Variants in BAHCC1 observed in about 807,000 individuals in gnomAD.
The protein encoded by BAHCC1 is BAH domain and coiled-coil containing 1, also known as BAH and coiled-coil domain-containing protein 1.
In BAHCC1, 43 loss-of-function variants were observed where a neutral mutation model predicts 88.2. The observed-to-expected ratio is 0.49, with a 90% CI of 0.38 to 0.63. BAHCC1 has a LOEUF of 0.63. Among genes scored for constraint, BAHCC1 ranks in the 20% least tolerant of loss-of-function variants. The pLI is 0.00. For synonymous variants in BAHCC1, 1,510 were observed against 745.5 expected (o/e 2.03, Z -16.71); for missense variants, 3,023 against 1,654.8 (o/e 1.83, Z -14.34).
chr17:81,418,119 G>C (rs1555649008), intron 2 of BAHCC1, among the ~76,000 whole-genome samples: 1 of 152,242 alleles, frequency 6.6e-6, no homozygotes, highest in African/African-American at 2.4e-5. Flanking sequence ...GCAACAGTAA[G>C]CAGGGCGGGC....
intron 4 of BAHCC1, among the ~76,000 whole-genome samples, chr17:81,439,966 G>A (rs559439591): frequency 1.3e-5 from 2 of 151,668 alleles, no homozygotes; most frequent in Admixed American, 6.5e-5. Flanking sequence ...TCGCCTGCAG[G>A]AGCCCGAGAT....
At chr17:81,415,914 T>C (rs1472581063) in intron 2 of BAHCC1, among the ~76,000 whole-genome samples, 1 of 152,120 alleles carries the variant, frequency 6.6e-6, no homozygotes, top group Non-Finnish European at 1.5e-5. Flanking sequence ...CGCCCCACCC[T>C]GCCAGGGAGA....
At chr17:81,425,060 T>TG (rs1371525398) in intron 2 of BAHCC1, among the ~76,000 whole-genome samples, 1 of 98,642 alleles carries the variant, frequency 1.0e-5, no homozygotes. Flanking sequence ...ATGTGGTTGG[T>TG]GGTGATGTGG....
intron 2 of BAHCC1, chr17:81,402,372 A>T (rs111290549): frequency 1.6e-4 from 24 of 152,308 alleles, no homozygotes; most frequent in Admixed American, 9.8e-4. Flanking sequence ...GTATTTTTTT[A>T]AAAAAAGAAT....
intron 1 of BAHCC1, among the ~76,000 whole-genome samples, chr17:81,397,551 C>T (rs782695887): frequency 1.3e-5 from 2 of 152,162 alleles, no homozygotes; most frequent in Admixed American, 6.5e-5. Context: ...CCCTCCCTTT[C>T]CTTCTTTCCC....
chr17:81,401,293 C>G lies in BAHCC1; in HGVS notation c.178+1376C>G, dbSNP rs189340404. ...GGGAGCCGCCCAGTGGAGGGGTCTC[C>G]CCAGCACTTCCCGGGTTGGCCCACA... On this transcript the variant is annotated intron_variant, in intron 2 of 27. Transcript: ENST00000675386. 4.9e-3 allele frequency: 755 copies of G among 152,808 alleles called. 4 individuals carry two copies. Among genetic ancestry groups the G allele is most frequent in the Non-Finnish European group, 8.2e-3 (561 of 68,042 alleles). The allele number at this position is 152,808 out of a possible 1,614,324, so 9.5% of individuals were successfully genotyped here. A position where few individuals can be genotyped will look rare whatever the true frequency, so the allele number is the denominator to read the frequency against.
chr17:81,453,019 G>T (rs1352684163), intron 14 of BAHCC1, among the ~76,000 whole-genome samples, 168 bp downstream of exon 14: 1 of 152,120 alleles, frequency 6.6e-6, no homozygotes, highest in African/African-American at 2.4e-5. Flanking sequence ...GTGACCAGCA[G>T]ACAGAGCCCT....
In BAHCC1 at chr17:81,455,400, G is replaced by A. The variant is rs183236056; in HGVS notation, c.4569+10G>A. The A allele has an allele frequency of 1.7e-4, 119 of 714,874 alleles. No individual in the cohort carries two copies. Among genetic ancestry groups the A allele is most frequent in the African/African-American group, 1.5e-3 (84 of 57,386 alleles). 44.3% of individuals were successfully genotyped at this position (714,874 alleles called of 1,614,324 possible). On this transcript the variant is annotated intron_variant, in intron 15 of 27. Transcript: ENST00000675386. ...GCAGACTGCCTCCGTGGTGAGTGCC[G>A]AGGCGCCCGCCTTGCCCCAGGGCCC...
intron 2 of BAHCC1, among the ~76,000 whole-genome samples, chr17:81,418,379 C>T (rs1279612036): frequency 6.6e-6 from 1 of 152,180 alleles, no homozygotes; most frequent in African/African-American, 2.4e-5. Flanking sequence ...TCCCAAGGGC[C>T]ACTTTAGGGT....
Position 81,412,605 on chromosome 17 carries a change from G to A in BAHCC1, c.178+12688G>A, listed in dbSNP as rs568415688. On this transcript the variant is annotated intron_variant, in intron 2 of 27. Transcript: ENST00000675386. ...CAGCCTGCGTTGCTGACTCGTGCAC[G>A]AGGCAGGTCTGTCTGGAGTCACCGA... Among the ~76,000 whole-genome samples, 9 of 152,176 alleles carry A rather than the reference G, an allele frequency of 5.9e-5. No individual in the cohort carries two copies. In the South Asian group the frequency reaches 6.2e-4, roughly 10 times the overall value.
chr17:81,422,314 CTT>C (rs1448544740), intron 2 of BAHCC1, among the ~76,000 whole-genome samples: 1 of 152,208 alleles, frequency 6.6e-6, no homozygotes, highest in Non-Finnish European at 1.5e-5. Flanking sequence ...TCTGGTCTCT[CTT>C]GTGCTTTATT....
In BAHCC1 at chr17:81,442,043, G is replaced by A. The variant is rs782395344; in HGVS notation, c.694G>A (p.Ala232Thr). 9.9e-5 allele frequency: 71 copies of A among 718,522 alleles called. No individual in the cohort carries two copies. Among genetic ancestry groups the A allele is most frequent in the Non-Finnish European group, 1.8e-4 (68 of 384,318 alleles). 44.5% of individuals were successfully genotyped at this position (718,522 alleles called of 1,614,324 possible). A position where few individuals can be genotyped will look rare whatever the true frequency, so the allele number is the denominator to read the frequency against. ...GCTGGGCAGAGAGAAGGCGGGCAAG[G>A]CCGCTGAGGGCAAGGAGCGGCCAGC... ...KELGREKAGKAAEGKERPAAE... is the reference protein window; with the variant it reads ...KELGREKAGKTAEGKERPAAE... Residue 232 changes from alanine to threonine, a missense_variant, in exon 5 of 28, where the codon GCC becomes ACC. Coordinates refer to ENST00000675386, the MANE Select transcript of BAHCC1 (RefSeq NM_001377448.1).
chr17:81,436,117 T>C, intron 3 of BAHCC1, among the ~76,000 whole-genome samples: 1 of 140,926 alleles, frequency 7.1e-6, no homozygotes. Flanking sequence ...CCATCCCATC[T>C]CCCCACTCCC....
At position 81,443,543 on chromosome 17, in the gene BAHCC1, C is replaced by T. The variant is rs781925487; in HGVS notation, c.2194C>T (p.Arg732Trp). 1.2e-5 allele frequency: 8 copies of T among 649,814 alleles called. No individual in the cohort carries two copies. The highest frequency in any genetic ancestry group is 2.7e-5 in the East Asian group (1 of 36,790). 40.3% of individuals were successfully genotyped at this position (649,814 alleles called of 1,614,324 possible). ...CGGCACCAACACTGCGCGGCAGGGC[C>T]GGGCCGCCCCCGCCTTCAAAGGTAC... ...AYGTNTARQG[R>W]AAPAFKGGGG... The change falls in exon 5 of 28, where the codon CGG becomes TGG. Residue 732 changes from arginine to tryptophan, a missense_variant. By Grantham distance (101) the Arg-to-Trp change is moderately radical. Transcript: ENST00000675386.
chr17:81,454,095 G>A (rs575507149), intron 14 of BAHCC1, among the ~76,000 whole-genome samples: 1 of 152,242 alleles, frequency 6.6e-6, no homozygotes, highest in Non-Finnish European at 1.5e-5. Flanking sequence ...GCAGGTGGGG[G>A]TTGAAAGGTG....
chr17:81,458,653 C>G lies in BAHCC1; in HGVS notation c.5376C>G (p.Ala1792=). Reference sequence around the variant, plus strand: ...ACGGGGCCCTGTCCATCACGCTGGCCACACGCAACGCCAAGGCCATCCTGG... The same window carrying G: ...ACGGGGCCCTGTCCATCACGCTGGCGACACGCAACGCCAAGGCCATCCTGG... ...RKNGALSITL[A]TRNAKAILGK... is the part of the protein sequence containing the mutation. The change falls in exon 19 of 28, where the codon GCC becomes GCG. Residue 1792 remains alanine (A), a synonymous_variant. Transcript: ENST00000675386. 1.4e-6 allele frequency: 1 copy of G among 720,208 alleles called. No individual in the cohort carries two copies. The highest frequency in any genetic ancestry group is 2.6e-6 in the Non-Finnish European group (1 of 386,770). 44.6% of individuals were successfully genotyped at this position (720,208 alleles called of 1,614,324 possible).
intron 3 of BAHCC1, among the ~76,000 whole-genome samples, chr17:81,427,708 G>A (rs1452821138): frequency 1.3e-4 from 20 of 152,272 alleles, no homozygotes; most frequent in African/African-American, 3.9e-4. Flanking sequence ...ACCCTACAGC[G>A]TGGGAAGGGT....
chr17:81,456,527 C>T lies in BAHCC1; in HGVS notation c.4800C>T (p.Gly1600=). 1 of 715,758 alleles carries T rather than the reference C, an allele frequency of 1.4e-6. No individual in the cohort carries two copies. The highest frequency in any genetic ancestry group is 1.5e-5 in the South Asian group (1 of 67,376). 44.3% of individuals were successfully genotyped at this position (715,758 alleles called of 1,614,324 possible). A position where few individuals can be genotyped will look rare whatever the true frequency, so the allele number is the denominator to read the frequency against. ...ATRHPQPKGH[G]SRETPRCPAQ... ...GGCACCCACAGCCCAAGGGCCACGG[C>T]AGCCGGGAGACACCCAGGTGCCCAG... The change falls in exon 16 of 28, where the codon GGC becomes GGT. Residue 1600 remains glycine, a synonymous_variant. Coordinates refer to ENST00000675386, the MANE Select transcript of BAHCC1 (RefSeq NM_001377448.1).
At position 81,442,490 on chromosome 17, in the gene BAHCC1, G is replaced by T; in HGVS notation, c.1141G>T (p.Asp381Tyr). 1 of 722,734 alleles carries T rather than the reference G, an allele frequency of 1.4e-6. No individual in the cohort carries two copies. The highest frequency in any genetic ancestry group is 2.6e-6 in the Non-Finnish European group (1 of 390,254). 44.8% of individuals were successfully genotyped at this position (722,734 alleles called of 1,614,324 possible). A position where few individuals can be genotyped will look rare whatever the true frequency, so the allele number is the denominator to read the frequency against. Reference protein sequence around the residue: ...GGPDGLCPLQDKAPRDLKASG... With the variant: ...GGPDGLCPLQYKAPRDLKASG... ...CCCTGACGGGCTCTGCCCGCTGCAGGACAAAGCCCCCCGGGACCTAAAGGC... is the reference window on the plus strand; with the variant it reads ...CCCTGACGGGCTCTGCCCGCTGCAGTACAAAGCCCCCCGGGACCTAAAGGC... The change falls in exon 5 of 28, where the codon GAC becomes TAC. Residue 381 changes from aspartate (D) to tyrosine (Y), a missense_variant. Coordinates refer to ENST00000675386, the MANE Select transcript of BAHCC1 (RefSeq NM_001377448.1).
Sources: allele counts gnomAD v4.1 joint callset (sites outside exome capture counted in the v4.1 genomes callset), GRCh38; gene constraint gnomAD v4.1.1; transcripts MANE v1.5; gene names NCBI Gene and HGNC (gene_info 2026-07-23, HGNC 2026-07-21).